The following ADGRL2 variants were observed in gnomAD, a reference collection of about 807,000 sequenced individuals.
ADGRL2 encodes calcium-independent alpha-latrotoxin receptor 2.
Under a neutral mutation model 157.4 loss-of-function variants are expected in ADGRL2, and 44 were observed. The observed-to-expected ratio is 0.28, with a 90% CI of 0.22 to 0.36. ADGRL2 has a LOEUF of 0.36. Ranked by LOEUF, ADGRL2 falls within the 10% of genes least tolerant of loss-of-function variation. The pLI is 1.00. For missense variants in ADGRL2, 1,510 were observed against 1,768.9 expected (o/e 0.85, Z 2.63); for synonymous variants, 585 against 624.7 (o/e 0.94, Z 0.95).
intron 1 of ADGRL2, among the ~76,000 whole-genome samples, chr1:81,358,103 C>CA (rs11421755): frequency 0.51 from 77,442 of 151,976 alleles, 21,719 homozygotes; most frequent in East Asian, 0.72. Context: ...ATCAAGCCCC[C>CA]AGCGTGAAAA....
intron 2 of ADGRL2, among the ~76,000 whole-genome samples, chr1:81,450,298 G>A (rs371103180): frequency 9.9e-4 from 151 of 152,262 alleles, no homozygotes; most frequent in African/African-American, 3.4e-3. Context: ...GAAAACCCAC[G>A]AGTATGCCAA....
chr1:81,528,380 C>T (rs1002231690), intron 2 of ADGRL2, among the ~76,000 whole-genome samples: 2 of 152,106 alleles, frequency 1.3e-5, no homozygotes, highest in African/African-American at 4.8e-5. Flanking sequence ...GGCGCGGTGG[C>T]TCACGCCTGT....
At chr1:81,668,073 A>G (rs539537565) in intron 3 of ADGRL2, among the ~76,000 whole-genome samples, 1 of 152,316 alleles carries the variant, frequency 6.6e-6, no homozygotes, top group East Asian at 1.9e-4. Flanking sequence ...ATTTAGTGAG[A>G]AACTGTAGTA....
intron 3 of ADGRL2, among the ~76,000 whole-genome samples, chr1:81,659,056 T>A (rs1253190371): frequency 2.9e-5 from 2 of 69,798 alleles, no homozygotes; most frequent in Non-Finnish European, 5.7e-5. Context: ...CCAGCAATTT[T>A]TTTTTTTTTT....
intron 6 of ADGRL2, 69 bp from the exon 7 acceptor site, chr1:81,950,120 C>T: frequency 4.8e-6 from 6 of 1,253,590 alleles, no homozygotes; most frequent in Admixed American, 3.7e-5. Context: ...GCACACATTC[C>T]ATGTGTGCAT....
intron 1 of ADGRL2, among the ~76,000 whole-genome samples, chr1:81,753,263 C>T (rs1433703058): frequency 6.6e-6 from 1 of 152,184 alleles, no homozygotes; most frequent in African/African-American, 2.4e-5. Context: ...GAGCAAGTCA[C>T]ATCTTAATGT....
At chr1:81,423,186 G>A (rs941541190) in intron 1 of ADGRL2, among the ~76,000 whole-genome samples, 8 of 152,166 alleles carry the variant, frequency 5.3e-5, no homozygotes, top group East Asian at 1.9e-4. Flanking sequence ...TTGCTAACAC[G>A]AGAAAGGAAA....
chr1:81,882,161 G>T (rs1242267206), intron 2 of ADGRL2, among the ~76,000 whole-genome samples: 1 of 152,068 alleles, frequency 6.6e-6, no homozygotes, highest in Non-Finnish European at 1.5e-5. Context: ...GTGAAAGTTG[G>T]TTAAACATTA....
chr1:81,578,876 A>C (rs1357800016), intron 2 of ADGRL2, among the ~76,000 whole-genome samples: 3 of 152,178 alleles, frequency 2.0e-5, no homozygotes, highest in African/African-American at 7.2e-5. Context: ...TTTTTAAAAA[A>C]TATGATTTAC....
chr1:81,701,424 A>G (rs1422289491), intron 1 of ADGRL2, among the ~76,000 whole-genome samples: 2 of 152,142 alleles, frequency 1.3e-5, no homozygotes, highest in East Asian at 3.9e-4. Context: ...TGTATTGCCT[A>G]CTTTTCTGTC....
intron 6 of ADGRL2, among the ~76,000 whole-genome samples, chr1:81,949,863 C>G (rs1223599751): frequency 1.3e-5 from 2 of 152,098 alleles, no homozygotes; most frequent in Non-Finnish European, 2.9e-5. Flanking sequence ...CCCACATTTC[C>G]TGTTAAACAG....
At chr1:81,954,630 G>A (rs1366412338) in intron 10 of ADGRL2, among the ~76,000 whole-genome samples, 1 of 152,136 alleles carries the variant, frequency 6.6e-6, no homozygotes, top group Non-Finnish European at 1.5e-5. Flanking sequence ...GTTAATGGCT[G>A]CCGCAGTATC....
At chr1:81,534,613 A>G (rs4650372) in intron 2 of ADGRL2, among the ~76,000 whole-genome samples, 114,422 of 152,194 alleles carry the variant, frequency 0.75, 43,557 homozygotes, top group East Asian at 0.9. Flanking sequence ...TCAGAGAAAG[A>G]AATTGAGTCT....
chr1:81,426,469 C>G, intron 1 of ADGRL2: 1 of 394,526 alleles, frequency 2.5e-6, no homozygotes, highest in South Asian at 1.9e-5. Context: ...GGAGGTAAAA[C>G]TGATGCCCAG....
At chr1:81,654,685 T>C (rs1213292957) in intron 3 of ADGRL2, among the ~76,000 whole-genome samples, 2 of 152,232 alleles carry the variant, frequency 1.3e-5, no homozygotes, top group Admixed American at 6.5e-5. Context: ...ATTTATTCAA[T>C]TGAGTCCTTC....
rs557323332 is a variant in ADGRL2, at chr1:81,479,109, T to C, written c.-248+34020T>C. Among the ~76,000 whole-genome samples, 62 of 152,308 alleles carry C rather than the reference T, an allele frequency of 4.1e-4. No homozygotes were observed. The South Asian group carries it at 4.8e-3, about 12-fold the overall frequency. On this transcript the variant is annotated intron_variant, in intron 2 of 24. Coordinates refer to the ADGRL2 transcript ENST00000370721. ...CTGTTAATGTATTTTGTAACCAATTTGTATATCTCTTGGTTTTTGTCCCCA... is the reference window on the plus strand; with the variant it reads ...CTGTTAATGTATTTTGTAACCAATTCGTATATCTCTTGGTTTTTGTCCCCA...
chr1:81,379,254 G>A (rs775714740), intron 1 of ADGRL2, among the ~76,000 whole-genome samples: 2 of 152,122 alleles, frequency 1.3e-5, no homozygotes. Context: ...AAACCTCTAG[G>A]GGAGCATACA....
At chr1:81,924,535 A>G (rs747044257) in intron 3 of ADGRL2, among the ~76,000 whole-genome samples, 23 of 152,134 alleles carry the variant, frequency 1.5e-4, no homozygotes, top group Non-Finnish European at 2.6e-4. Context: ...TTTAGGAGAG[A>G]GATCTTTCAG....
chr1:81,877,516 G>A (rs2093871636), intron 2 of ADGRL2, among the ~76,000 whole-genome samples: 1 of 152,076 alleles, frequency 6.6e-6, no homozygotes, highest in African/African-American at 2.4e-5. Context: ...ATTTTAATGT[G>A]TGTACTTGAG....
Sources: allele counts gnomAD v4.1 joint callset (sites outside exome capture counted in the v4.1 genomes callset), GRCh38; gene constraint gnomAD v4.1.1; transcripts MANE v1.5; gene names NCBI Gene and HGNC (gene_info 2026-07-23, HGNC 2026-07-21).